Variants in ZNF679 observed in about 807,000 individuals in gnomAD.
ZNF679 encodes the protein hypothetical protein MGC42415.
Under a neutral mutation model 13.4 loss-of-function variants are expected in ZNF679, and 10 were observed. The observed-to-expected ratio is 0.75, with a 90% CI of 0.46 to 1.27. The LOEUF is 1.27. Ranked by LOEUF, ZNF679 falls within the 50% of genes most tolerant of loss-of-function variation. The probability of loss-of-function intolerance (pLI) is 0.00; values close to 1 mark genes in which losing one functional copy is unlikely to be tolerated. For synonymous variants in ZNF679, 179 were observed against 162.5 expected (o/e 1.10, Z -0.77); for missense variants, 525 against 477.8 (o/e 1.10, Z -0.92).
intron 1 of ZNF679, among the ~76,000 whole-genome samples, chr7:64,230,401 C>G (rs537763252): frequency 1.3e-5 from 2 of 151,896 alleles, no homozygotes; most frequent in East Asian, 3.9e-4. Context: ...GGCGCGGTGG[C>G]GGGCGCCTGT....
chr7:64,255,097 G>T (rs150522261), intron 2 of ZNF679, among the ~76,000 whole-genome samples: 38 of 152,180 alleles, frequency 2.5e-4, no homozygotes, highest in Non-Finnish European at 3.8e-4. Context: ...TGGCCTGGAG[G>T]GGGACTCTGG....
At chr7:64,265,453 T>C (rs1461449483) in intron 4 of ZNF679, among the ~76,000 whole-genome samples, 1 of 152,192 alleles carries the variant, frequency 6.6e-6, no homozygotes, top group Non-Finnish European at 1.5e-5. Context: ...AAGGTGTCAT[T>C]TCAAAGCATA....
chr7:64,255,618 T>TA, intron 2 of ZNF679, among the ~76,000 whole-genome samples: 3 of 151,190 alleles, frequency 2.0e-5, no homozygotes, highest in Admixed American at 2.0e-4. Flanking sequence ...TTTTTTTTAT[T>TA]TTTTTTTTGA....
At chr7:64,240,526 G>C (rs1361067258) in intron 1 of ZNF679, among the ~76,000 whole-genome samples, 3 of 152,176 alleles carry the variant, frequency 2.0e-5, no homozygotes, top group African/African-American at 7.2e-5. Flanking sequence ...GTCATAACAG[G>C]ACCCAGAACA....
At chr7:64,261,816 T>C (rs991607043) in intron 4 of ZNF679, among the ~76,000 whole-genome samples, 2 of 152,064 alleles carry the variant, frequency 1.3e-5, no homozygotes, top group Non-Finnish European at 2.9e-5. Context: ...TGTATATCTT[T>C]TTTTATTAAA....
At chr7:64,243,747 G>C (rs1787830930) in intron 1 of ZNF679, among the ~76,000 whole-genome samples, 2 of 152,120 alleles carry the variant, frequency 1.3e-5, no homozygotes, top group Non-Finnish European at 2.9e-5. Flanking sequence ...AGGCAAAAGA[G>C]AAAAATCAGT....
chr7:64,229,713 A>C (rs1787610202), intron 1 of ZNF679, among the ~76,000 whole-genome samples: 1 of 152,116 alleles, frequency 6.6e-6, no homozygotes, highest in South Asian at 2.1e-4. Flanking sequence ...AAATCTAGCC[A>C]GGGGAGTAAA....
chr7:64,236,902 GAAA>G (rs201060024), intron 1 of ZNF679, among the ~76,000 whole-genome samples: 7 of 113,394 alleles, frequency 6.2e-5, no homozygotes. Flanking sequence ...AAAAGAAAAA[GAAA>G]AAAAGAAAGA....
chr7:64,236,931 A>AAGAAAGAG (rs2116511913), intron 1 of ZNF679, among the ~76,000 whole-genome samples: 1 of 40,804 alleles, frequency 2.5e-5, no homozygotes, highest in African/African-American at 1.4e-4. Context: ...AGAAGAAAGA[A>AAGAAAGAG]AGAAAGAAAG....
Position 64,266,586 on chromosome 7 carries a change from A to C in ZNF679, c.953A>C (p.His318Pro), listed in dbSNP as rs748433147. Residue 318 changes from histidine (H) to proline (P), a missense_variant, in exon 5 of 5, where the codon CAT becomes CCT. Physicochemically the swap from His to Pro is moderately conservative, Grantham distance 77. Coordinates refer to ENST00000421025, the MANE Select transcript of ZNF679 (RefSeq NM_153363.3). ...SSSLTYHKRI[H>P]TGEKPYTCEE... The stretch of plus-strand genomic sequence containing the variant: ...TCCCTCACTTACCACAAGAGAATTC[A>C]TACTGGAGAGAAACCCTACACATGT... 3.7e-6 allele frequency: 6 copies of C among 1,604,858 alleles called. No individual in the cohort carries two copies. The highest frequency in any genetic ancestry group is 2.7e-5 in the African/African-American group (2 of 74,878).
Position 64,266,242 on chromosome 7 carries a change from G to A in ZNF679, c.609G>A (p.Gln203=), listed in dbSNP as rs1162336608. ...FCMVSQLHQH[Q]IIHTRENSYQ... ...TGGTTTCACAACTACATCAACATCA[G>A]ATAATTCATACTAGGGAGAATTCCT... The change falls in exon 5 of 5, where the codon CAG becomes CAA. Residue 203 remains glutamine (Q), a synonymous_variant. Transcript: ENST00000421025. 4 of 1,581,652 alleles carry A rather than the reference G, an allele frequency of 2.5e-6. No homozygotes were observed. Among genetic ancestry groups the A allele is most frequent in the Non-Finnish European group, 8.6e-7 (1 of 1,162,642 alleles).
chr7:64,241,965 G>T (rs1301098231), intron 1 of ZNF679, among the ~76,000 whole-genome samples: 1 of 152,198 alleles, frequency 6.6e-6, no homozygotes, highest in Admixed American at 6.5e-5. Context: ...CCCCACAAAT[G>T]TGCTGGCTTC....
At chr7:64,249,189 G>T (rs965768070) in intron 2 of ZNF679, 33 bp downstream of exon 2, 1 of 1,614,096 alleles carries the variant, frequency 6.2e-7, no homozygotes, top group South Asian at 1.1e-5. Context: ...TGAGAGAGGG[G>T]TGAGGGCTGG....
intron 2 of ZNF679, among the ~76,000 whole-genome samples, chr7:64,250,101 C>A (rs573882571): frequency 1.1e-4 from 17 of 151,706 alleles, no homozygotes; most frequent in Non-Finnish European, 2.4e-4. Context: ...CTCGGCCTAC[C>A]AAAGTGCTGG....
At chr7:64,242,427 C>G (rs2116519229) in intron 1 of ZNF679, among the ~76,000 whole-genome samples, 1 of 152,240 alleles carries the variant, frequency 6.6e-6, no homozygotes, top group Non-Finnish European at 1.5e-5. Context: ...TAGGATCACA[C>G]CCATTGCCCT....
intron 1 of ZNF679, 109 bp from the exon 2 acceptor site, chr7:64,248,919 C>A: frequency 1.3e-6 from 1 of 797,388 alleles, no homozygotes. Flanking sequence ...GTCCTGAAAC[C>A]TTATCCAATC....
Position 64,260,309 on chromosome 7 carries a change from A to T in ZNF679, c.128A>T (p.Asp43Val). 1 of 1,612,732 alleles carries T rather than the reference A, an allele frequency of 6.2e-7. No homozygotes were observed. The highest frequency in any genetic ancestry group is 1.1e-5 in the South Asian group (1 of 90,782). The stretch of plus-strand genomic sequence containing the variant: ...CACGCTCAGCAGAATTTATATAGAG[A>T]TGTGATGTTAGAGAACTACAGAAAC... Reference protein sequence around the residue: ...LDHAQQNLYRDVMLENYRNLV... With the variant: ...LDHAQQNLYRVVMLENYRNLV... Residue 43 changes from aspartate (D) to valine (V), a missense_variant, in exon 3 of 5, where the codon GAT (aspartate) becomes GTT (valine). Transcript: ENST00000421025.
At chr7:64,264,173 G>T (rs1235586951) in intron 4 of ZNF679, among the ~76,000 whole-genome samples, 1 of 151,458 alleles carries the variant, frequency 6.6e-6, no homozygotes, top group Non-Finnish European at 1.5e-5. Flanking sequence ...TCTTTTGTGT[G>T]TCTATAAAGA....
At chr7:64,248,929 C>A in intron 1 of ZNF679, 99 bp from the exon 2 acceptor site, 1 of 840,466 alleles carries the variant, frequency 1.2e-6, no homozygotes, top group Non-Finnish European at 1.8e-6. Context: ...CTTATCCAAT[C>A]AGGGGCCATA....
Sources: gnomAD v4.1 joint callset for allele counts (sites outside exome capture counted in the v4.1 genomes callset) on GRCh38, gnomAD v4.1.1 for gene constraint, MANE v1.5 for transcripts, NCBI Gene and HGNC (gene_info 2026-07-23, HGNC 2026-07-21) for gene names.